Variants in DENND1A observed in about 807,000 individuals in gnomAD.
DENND1A encodes the protein DENN domain containing 1A, also known as DENN domain-containing protein 1A.
Under a neutral mutation model 113.7 loss-of-function variants are expected in DENND1A, and 51 were observed. The observed-to-expected ratio is 0.45, with a 90% CI of 0.36 to 0.57. The LOEUF (loss-of-function observed/expected upper bound fraction) is 0.57, where lower values mean the gene tolerates loss of function less well. Ranked by LOEUF, DENND1A falls within the 20% of genes least tolerant of loss-of-function variation. The probability of loss-of-function intolerance (pLI) is 0.00; values close to 1 mark genes in which losing one functional copy is unlikely to be tolerated. For synonymous variants in DENND1A, 565 were observed against 570.8 expected (o/e 0.99, Z 0.14); for missense variants, 1,258 against 1,395.9 (o/e 0.90, Z 1.57).
chr9:123,894,949 A>C (rs1476497384), intron 1 of DENND1A, among the ~76,000 whole-genome samples: 1 of 152,186 alleles, frequency 6.6e-6, no homozygotes, highest in Non-Finnish European at 1.5e-5. Context: ...GATTTTAAAC[A>C]AGAGACACAT....
intron 19 of DENND1A, among the ~76,000 whole-genome samples, chr9:123,428,836 G>T (rs1240962536): frequency 6.6e-6 from 1 of 152,142 alleles, no homozygotes; most frequent in Non-Finnish European, 1.5e-5. Context: ...GCTATCAAGG[G>T]AAGTGAAGGA....
At chr9:123,817,872 CA>C (rs1365821909) in intron 2 of DENND1A, among the ~76,000 whole-genome samples, 16 of 151,706 alleles carry the variant, frequency 1.1e-4, no homozygotes, top group African/African-American at 3.6e-4. Context: ...ACTAAAAATA[CA>C]AAAATTAGCC....
intron 19 of DENND1A, among the ~76,000 whole-genome samples, chr9:123,433,289 C>T (rs1344883649): frequency 6.6e-6 from 1 of 152,222 alleles, no homozygotes; most frequent in African/African-American, 2.4e-5. Context: ...CTGCCCGATT[C>T]TAAAACCTGT....
chr9:123,525,168 A>G (rs959366433), intron 13 of DENND1A, among the ~76,000 whole-genome samples: 5 of 152,206 alleles, frequency 3.3e-5, no homozygotes, highest in African/African-American at 4.8e-5. Context: ...CAAGATCTGA[A>G]ACCAGGCAAG....
At chr9:123,536,273 C>A (rs559685056) in intron 13 of DENND1A, among the ~76,000 whole-genome samples, 10 of 152,178 alleles carry the variant, frequency 6.6e-5, no homozygotes, top group Admixed American at 4.6e-4. Context: ...AGTTCAAGAC[C>A]AGCCTGGCCA....
chr9:123,799,123 T>G (rs953206346), intron 2 of DENND1A, among the ~76,000 whole-genome samples: 10 of 152,294 alleles, frequency 6.6e-5, no homozygotes, highest in African/African-American at 2.4e-4. Context: ...AATAGATGTA[T>G]CATATGTGTC....
intron 13 of DENND1A, among the ~76,000 whole-genome samples, chr9:123,507,514 T>C (rs1157874653): frequency 6.6e-6 from 1 of 152,062 alleles, no homozygotes; most frequent in Non-Finnish European, 1.5e-5. Flanking sequence ...AGATTACAAG[T>C]TCTCCCTCCC....
intron 2 of DENND1A, among the ~76,000 whole-genome samples, chr9:123,872,348 T>C (rs1161985146): frequency 1.3e-5 from 2 of 152,186 alleles, no homozygotes; most frequent in African/African-American, 4.8e-5. Context: ...GATTCCGTTA[T>C]AAGTAAATGT....
chr9:123,690,668 C>T (rs2065134258), intron 5 of DENND1A, among the ~76,000 whole-genome samples: 1 of 151,682 alleles, frequency 6.6e-6, no homozygotes. Context: ...AAAATATCCC[C>T]CCTCCTTTTC....
In DENND1A at chr9:123,674,369, C is replaced by T. The variant is rs907538288; in HGVS notation, c.372+2351G>A. On this transcript the variant is annotated intron_variant, in intron 6 of 23. Coordinates refer to ENST00000394215, the MANE Select transcript of DENND1A (RefSeq NM_001352964.2). The stretch of plus-strand genomic sequence containing the variant: ...ACACACACACACACACACACACACA[C>T]ACACACACACACACACACACACACA... 4.0e-5 allele frequency among the ~76,000 whole-genome samples: 6 copies of T among 151,412 alleles called. No homozygotes were observed. The East Asian group carries it at 1.2e-3, about 30-fold the overall frequency.
chr9:123,446,440 C>T (rs760532489), intron 18 of DENND1A, among the ~76,000 whole-genome samples: 3 of 152,212 alleles, frequency 2.0e-5, no homozygotes, highest in Non-Finnish European at 2.9e-5. Context: ...TGCTTACTCA[C>T]TCCCTTCAAT....
intron 9 of DENND1A, among the ~76,000 whole-genome samples, chr9:123,637,760 A>G (rs2061779886): frequency 6.6e-6 from 1 of 152,140 alleles, no homozygotes. Context: ...AAGAGCAAAC[A>G]GTGTCTTGCT....
intron 1 of DENND1A, chr9:123,928,528 T>C: frequency 3.1e-6 from 3 of 982,668 alleles, no homozygotes; most frequent in Non-Finnish European, 3.6e-6. Flanking sequence ...TGCTTCTAAC[T>C]TTTTTCTCAT....
intron 13 of DENND1A, among the ~76,000 whole-genome samples, chr9:123,551,671 G>C (rs1163929595): frequency 6.6e-6 from 1 of 152,224 alleles, no homozygotes; most frequent in African/African-American, 2.4e-5. Flanking sequence ...CCACTGAGGT[G>C]AACTTGGCAG....
chr9:123,466,577 G>C (rs564467548), intron 13 of DENND1A, among the ~76,000 whole-genome samples: 1 of 152,210 alleles, frequency 6.6e-6, no homozygotes, highest in African/African-American at 2.4e-5. Flanking sequence ...GATGACAGGC[G>C]TGAGCCACTG....
chr9:123,383,397 G>GC (rs917856525), intron 23 of DENND1A, among the ~76,000 whole-genome samples: 29 of 152,058 alleles, frequency 1.9e-4, no homozygotes, highest in African/African-American at 5.1e-4. Context: ...GGCAGCACCC[G>GC]CCCCCCCGTC....
chr9:123,450,799 G>A (rs1363612676), intron 17 of DENND1A, 50 bp from the exon 18 acceptor site: 3 of 1,488,222 alleles, frequency 2.0e-6, no homozygotes, highest in South Asian at 1.2e-5. Flanking sequence ...TTTCCAGCAG[G>A]GACTATGCTT....
intron 2 of DENND1A, among the ~76,000 whole-genome samples, chr9:123,796,023 A>G (rs1293666077): frequency 2.0e-5 from 3 of 152,246 alleles, no homozygotes; most frequent in Non-Finnish European, 4.4e-5. Context: ...CCTACTTCAG[A>G]CAATAGATAA....
intron 8 of DENND1A, among the ~76,000 whole-genome samples, chr9:123,652,505 G>A (rs2062713532): frequency 6.6e-6 from 1 of 152,216 alleles, no homozygotes; most frequent in Admixed American, 6.5e-5. Context: ...CAGGACTGCT[G>A]CTCAAATCTT....
Sources: gnomAD v4.1 joint callset for allele counts (sites outside exome capture counted in the v4.1 genomes callset) on GRCh38, gnomAD v4.1.1 for gene constraint, MANE v1.5 for transcripts, NCBI Gene and HGNC (gene_info 2026-07-23, HGNC 2026-07-21) for gene names.